Variants in DCC observed in about 807,000 individuals in gnomAD.
DCC encodes the protein DCC netrin 1 receptor, also known as netrin receptor DCC.
DCC carries 58 observed loss-of-function variants against 172.5 expected under a neutral mutation model. The observed-to-expected ratio is 0.34, with a 90% CI of 0.27 to 0.42. DCC has a LOEUF of 0.42. Ranked by LOEUF, DCC falls within the 10% of genes least tolerant of loss-of-function variation. The probability of loss-of-function intolerance (pLI) is 1.00; values close to 1 mark genes in which losing one functional copy is unlikely to be tolerated. For synonymous variants in DCC, 709 were observed against 644.5 expected, an observed-to-expected ratio of 1.10 and a Z score of -1.52; for missense variants, 1,740 against 1,791.0, an observed-to-expected ratio of 0.97 and a Z score of 0.51.
intron 2 of DCC, among the ~76,000 whole-genome samples, chr18:52,835,092 C>T (rs959853558): frequency 3.3e-5 from 5 of 152,138 alleles, no homozygotes; most frequent in Non-Finnish European, 7.4e-5. Flanking sequence ...TAGTAATTCA[C>T]TGATATACAC....
rs562539989 is a variant in DCC at position 53,376,962 on chromosome 18, C to G, written c.2360-9081C>G. 4.6e-5 allele frequency among the ~76,000 whole-genome samples: 7 copies of G among 152,268 alleles called. No homozygotes were observed. The South Asian group carries it at 1.5e-3, about 32-fold the overall frequency. On this transcript the variant is annotated intron_variant, in intron 15 of 28. Transcript: ENST00000442544. The stretch of plus-strand genomic sequence containing the variant: ...CAGGCCCCTATGGTCTTTGCCCAGA[C>G]AATTGCAATAGCTTCTGTAGTATTC...
chr18:53,034,792 C>T (rs925783150), intron 5 of DCC, among the ~76,000 whole-genome samples: 3 of 151,900 alleles, frequency 2.0e-5, no homozygotes, highest in African/African-American at 7.2e-5. Flanking sequence ...TTGGTGTGCT[C>T]ATCTGCTCTT....
At chr18:52,778,982 T>C (rs1313433874) in intron 2 of DCC, among the ~76,000 whole-genome samples, 1 of 152,182 alleles carries the variant, frequency 6.6e-6, no homozygotes, top group South Asian at 2.1e-4. Flanking sequence ...AAGAGTCCAT[T>C]AATGTATGAT....
intron 1 of DCC, among the ~76,000 whole-genome samples, chr18:52,746,526 T>C (rs1338377157): frequency 1.3e-5 from 2 of 152,184 alleles, no homozygotes; most frequent in Non-Finnish European, 2.9e-5. Flanking sequence ...TGTTTGATAT[T>C]GTAGATAAAA....
In DCC at chr18:52,638,012, T is replaced by C. The variant is rs548099888; in HGVS notation, c.92-114042T>C. 3.3e-5 allele frequency among the ~76,000 whole-genome samples: 5 copies of C among 152,322 alleles called. No homozygotes were observed. In the East Asian group the frequency reaches 9.7e-4, roughly 29 times the overall value. On this transcript the variant is annotated intron_variant, in intron 1 of 28. Coordinates refer to ENST00000442544, the MANE Select transcript of DCC (RefSeq NM_005215.4). ...GCTGGAAGGGATTGGGGCCCTATCT[T>C]CAGCCTCCTCAAACAAAACAATTAT...
chr18:53,239,836 G>T (rs1405692951), intron 12 of DCC, among the ~76,000 whole-genome samples: 1 of 151,692 alleles, frequency 6.6e-6, no homozygotes, highest in Non-Finnish European at 1.5e-5. Flanking sequence ...AATAACCAAG[G>T]GCTGATAATA....
At chr18:53,073,988 G>T (rs1452431477) in intron 7 of DCC, among the ~76,000 whole-genome samples, 1 of 151,824 alleles carries the variant, frequency 6.6e-6, no homozygotes, top group Non-Finnish European at 1.5e-5. Flanking sequence ...GATTCAGTGT[G>T]AAGCAATGAA....
chr18:52,905,097 C>A (rs1337282145), intron 2 of DCC, among the ~76,000 whole-genome samples: 13 of 152,080 alleles, frequency 8.5e-5, no homozygotes. Context: ...TTCTCTCTCA[C>A]CATGCTTATG....
intron 22 of DCC, among the ~76,000 whole-genome samples, chr18:53,438,296 A>T (rs1287607893): frequency 6.6e-6 from 1 of 152,228 alleles, no homozygotes; most frequent in Non-Finnish European, 1.5e-5. Context: ...GGTTTCAACC[A>T]CTACTGAGCA....
At chr18:52,872,631 G>T (rs2039340220) in intron 2 of DCC, among the ~76,000 whole-genome samples, 1 of 152,154 alleles carries the variant, frequency 6.6e-6, no homozygotes, top group African/African-American at 2.4e-5. Flanking sequence ...ATTTTGCATG[G>T]TCTGTGATAG....
chr18:52,472,563 C>G (rs757337903), intron 1 of DCC, among the ~76,000 whole-genome samples: 1 of 152,158 alleles, frequency 6.6e-6, no homozygotes, highest in East Asian at 1.9e-4. Context: ...ATTTTGTCCT[C>G]TAGATCTAAA....
intron 2 of DCC, among the ~76,000 whole-genome samples, chr18:52,876,529 A>G (rs1362150572): frequency 3.3e-5 from 5 of 152,194 alleles, no homozygotes; most frequent in African/African-American, 1.2e-4. Context: ...GAAAACATAG[A>G]TGTATTTTCT....
chr18:52,540,934 G>A (rs1392490588), intron 1 of DCC, among the ~76,000 whole-genome samples: 1 of 152,092 alleles, frequency 6.6e-6, no homozygotes, highest in Non-Finnish European at 1.5e-5. Flanking sequence ...AGGGAAATAC[G>A]TGTTCTGGGG....
rs553156087 is a variant in DCC at position 53,447,511 on chromosome 18, G to T, written c.3230-2989G>T. 7.9e-5 allele frequency among the ~76,000 whole-genome samples: 12 copies of T among 152,158 alleles called. No homozygotes were observed. In the South Asian group the frequency reaches 2.3e-3, roughly 29 times the overall value. ...ATTCAGAGTTATTTTTTTTGACTTGGAATATGATGTCTTCCAGGGTGAAAA... is the reference window on the plus strand; with the variant it reads ...ATTCAGAGTTATTTTTTTTGACTTGTAATATGATGTCTTCCAGGGTGAAAA... On this transcript the variant is annotated intron_variant, in intron 22 of 28. Transcript: ENST00000442544.
chr18:52,537,493 A>G (rs994875171), intron 1 of DCC, among the ~76,000 whole-genome samples: 1 of 152,190 alleles, frequency 6.6e-6, no homozygotes, highest in Non-Finnish European at 1.5e-5. Flanking sequence ...GCAAACACAT[A>G]GTTAGCTGAA....
intron 7 of DCC, among the ~76,000 whole-genome samples, chr18:53,103,613 G>A (rs951284322): frequency 6.6e-6 from 1 of 151,992 alleles, no homozygotes; most frequent in African/African-American, 2.4e-5. Flanking sequence ...GTTGTCATTT[G>A]TATTTGCTTA....
chr18:53,130,924 A>C (rs1050337971), intron 7 of DCC, among the ~76,000 whole-genome samples: 3 of 152,132 alleles, frequency 2.0e-5, no homozygotes, highest in Non-Finnish European at 4.4e-5. Flanking sequence ...CGGGATGTTC[A>C]GATTACACTG....
chr18:52,366,551 C>A (rs931538478), intron 1 of DCC, among the ~76,000 whole-genome samples: 15 of 152,202 alleles, frequency 9.9e-5, no homozygotes, highest in African/African-American at 3.1e-4. Context: ...ACAGAGTTTC[C>A]ACACACAGGT....
intron 15 of DCC, among the ~76,000 whole-genome samples, chr18:53,358,551 T>TTTGTGACAGAG (rs2057906342): frequency 6.7e-6 from 1 of 148,440 alleles, no homozygotes; most frequent in Non-Finnish European, 1.5e-5. Context: ...TTTTTTTTTT[T>TTTGTGACAGAG]TGCGACAGAG....
Sources: gnomAD v4.1 joint callset for allele counts (sites outside exome capture counted in the v4.1 genomes callset) on GRCh38, gnomAD v4.1.1 for gene constraint, MANE v1.5 for transcripts, NCBI Gene and HGNC (gene_info 2026-07-23, HGNC 2026-07-21) for gene names.